EME1: variants seen among roughly 807,000 people sequenced by gnomAD.
The protein encoded by EME1 is essential meiotic structure-specific endonuclease 1.
EME1 carries 61 observed loss-of-function variants against 59.1 expected under a neutral mutation model. That is an observed-to-expected ratio of 1.03 (90% CI 0.84 to 1.28). The LOEUF is 1.28. Among genes scored for constraint, EME1 ranks in the 50% most tolerant of loss-of-function variants. The pLI, the probability that EME1 is intolerant of heterozygous loss-of-function variation, is 0.00. For synonymous variants in EME1, 230 were observed against 254.2 expected, an observed-to-expected ratio of 0.90 and a Z score of 0.90; for missense variants, 635 against 682.6, an observed-to-expected ratio of 0.93 and a Z score of 0.78.
rs764315478 is a variant in EME1, at chr17:50,379,150, C to T, written c.1156C>T (p.Gln386Ter). The change falls in exon 6 of 9, where the codon CAG becomes TAG. Residue 386 changes from glutamine to a stop codon, truncating the protein, a stop_gained. Coordinates refer to ENST00000338165, the MANE Select transcript of EME1 (RefSeq NM_152463.4). LOFTEE classifies it high-confidence loss of function. Reference sequence around the variant, plus strand: ...AAGAGGGAAACAGGGAGCAAATAAACAGACCAAGAAGCAGCAGCAGAGACA... The same window carrying T: ...AAGAGGGAAACAGGGAGCAAATAAATAGACCAAGAAGCAGCAGCAGAGACA... ...PRRGKQGANK[Q>*]TKKQQQRQPE... The T allele has an allele frequency of 1.2e-6, 2 of 1,614,152 alleles. No homozygotes were observed. The highest frequency in any genetic ancestry group is 1.7e-5 in the Admixed American group (1 of 60,016).
chr17:50,379,818 C>T (rs1913697648), intron 7 of EME1: 3 of 456,346 alleles, frequency 6.6e-6, no homozygotes, highest in Non-Finnish European at 1.2e-5. Context: ...GGCCAGGTTA[C>T]CATAGGCCAA....
Position 50,381,345 on chromosome 17 carries a change from G to C in EME1, c.*406G>C, listed in dbSNP as rs1032333034. The C allele has an allele frequency of 4.8e-6, 1 of 206,938 alleles. No individual in the cohort carries two copies. The highest frequency in any genetic ancestry group is 1.1e-4 in the East Asian group (1 of 8,736). 12.8% of individuals were successfully genotyped at this position (206,938 alleles called of 1,614,324 possible). ...TGGCTTGACTGGGCTCAGCCACTGA[G>C]CTGCCTCAACCGGCCAAGGAACGGG... On this transcript the variant is annotated 3_prime_UTR_variant, in exon 9 of 9. Coordinates refer to ENST00000338165, the MANE Select transcript of EME1 (RefSeq NM_152463.4).
Position 50,380,832 on chromosome 17 carries a change from G to GA in EME1, c.1608dup (p.Gly537ArgfsTer32). The GA allele has an allele frequency of 6.2e-7, 1 of 1,614,218 alleles. No individual in the cohort carries two copies. Among genetic ancestry groups the GA allele is most frequent in the African/African-American group, 1.3e-5 (1 of 75,056 alleles). ...CGCAGACATACAGGTGCGCCGTGGG[G>GA]AAGGTGTGACATCCACTTCTCGCCG... is the stretch of plus-strand genomic sequence containing the variant. On this transcript the variant is annotated frameshift_variant, in exon 9 of 9. Coordinates refer to ENST00000338165, the MANE Select transcript of EME1 (RefSeq NM_152463.4). LOFTEE classifies it high-confidence loss of function.
Position 50,375,602 on chromosome 17 carries a change from T to G in EME1, c.394T>G (p.Ser132Ala). Residue 132 changes from serine (S) to alanine (A), a missense_variant, in exon 2 of 9, where the codon TCA becomes GCA. Transcript: ENST00000338165. ...GGATCATCAAAATAATGAAGGTGCA[T>G]CATGTGACTGGAAAAAGCCCTTTCC... ...VLDHQNNEGA[S>A]CDWKKPFPKI... is the part of the protein sequence containing the mutation. The G allele has an allele frequency of 6.3e-7, 1 of 1,586,116 alleles. No homozygotes were observed. The highest frequency in any genetic ancestry group is 2.2e-5 in the East Asian group (1 of 44,806).
In EME1 at chr17:50,375,464, G is replaced by A; in HGVS notation, c.256G>A (p.Glu86Lys). Residue 86 changes from glutamate to lysine, a missense_variant, in exon 2 of 9, where the codon GAA (glutamate) becomes AAA (lysine). By Grantham distance (56) the Glu-to-Lys change is moderately conservative. Coordinates refer to ENST00000338165, the MANE Select transcript of EME1 (RefSeq NM_152463.4). ...ACAGCCAGTCAGGTTGCTAAGCAGT[G>A]AAAGTGAAGATGAAGAAGAATTTAT... ...QTQPVRLLSSESEDEEEFIPL... is the reference protein window; with the variant it reads ...QTQPVRLLSSKSEDEEEFIPL... The A allele has an allele frequency of 6.2e-7, 1 of 1,614,062 alleles. No individual in the cohort carries two copies.
chr17:50,374,194 TA>T (rs1913319641), intron 1 of EME1, among the ~76,000 whole-genome samples: 2 of 152,204 alleles, frequency 1.3e-5, no homozygotes, highest in Admixed American at 6.5e-5. Context: ...TGTACACTTT[TA>T]AAAGGATATT....
In EME1 at chr17:50,379,102, A is replaced by G. The variant is rs777382961; in HGVS notation, c.1113-5A>G. 6.2e-7 allele frequency: 1 copy of G among 1,614,086 alleles called. No individual in the cohort carries two copies. The highest frequency in any genetic ancestry group is 8.5e-7 in the Non-Finnish European group (1 of 1,180,016). On this transcript the variant is annotated splice_region_variant and splice_polypyrimidine_tract_variant and intron_variant, in intron 5 of 8. Transcript: ENST00000338165. The stretch of plus-strand genomic sequence containing the variant: ...GCTGTTCTTTGATTTCCTCCCCTGC[A>G]CCAGTGCTCAGAATCCTCCAAGAAG...
In EME1 at chr17:50,380,857, G is replaced by A. The variant is rs1224474568; in HGVS notation, c.1631G>A (p.Arg544His). The A allele has an allele frequency of 1.9e-6, 3 of 1,614,038 alleles. No homozygotes were observed. Among genetic ancestry groups the A allele is most frequent in the Non-Finnish European group, 2.5e-6 (3 of 1,180,042 alleles). The change falls in exon 9 of 9, where the codon CGC (arginine) becomes CAC (histidine). Residue 544 changes from arginine (R) to histidine (H), a missense_variant. Transcript: ENST00000338165. Reference protein sequence around the residue: ...RGEGVTSTSRRIGPELSRRIY... With the variant: ...RGEGVTSTSRHIGPELSRRIY... The stretch of plus-strand genomic sequence containing the variant: ...GAAGGTGTGACATCCACTTCTCGCC[G>A]CATTGGACCAGAACTATCCAGGCGT...
chr17:50,375,602 T>C lies in EME1; in HGVS notation c.394T>C (p.Ser132Pro), dbSNP rs1240200138. ...GGATCATCAAAATAATGAAGGTGCA[T>C]CATGTGACTGGAAAAAGCCCTTTCC... Reference protein sequence around the residue: ...VLDHQNNEGASCDWKKPFPKI... With the variant: ...VLDHQNNEGAPCDWKKPFPKI... The change falls in exon 2 of 9, where the codon TCA (serine) becomes CCA (proline). Residue 132 changes from serine (S) to proline (P), a missense_variant. Transcript: ENST00000338165. The C allele has an allele frequency of 6.3e-7, 1 of 1,586,116 alleles. No individual in the cohort carries two copies. The highest frequency in any genetic ancestry group is 1.1e-5 in the South Asian group (1 of 90,684).
intron 7 of EME1, chr17:50,380,050 T>C (rs900835189): frequency 3.1e-5 from 13 of 415,978 alleles, no homozygotes; most frequent in South Asian, 5.8e-5. Context: ...CAGAAATAGA[T>C]TGCAGATTGC....
At chr17:50,373,977 T>C (rs1169282858) in intron 1 of EME1, among the ~76,000 whole-genome samples, 1 of 152,166 alleles carries the variant, frequency 6.6e-6, no homozygotes, top group Non-Finnish European at 1.5e-5. Flanking sequence ...GTGAAAAAAG[T>C]CAATCACAAA....
Position 50,378,772 on chromosome 17 carries a change from A to G in EME1, c.991-2A>G. 1 of 1,614,236 alleles carries G rather than the reference A, an allele frequency of 6.2e-7. No individual in the cohort carries two copies. The highest frequency in any genetic ancestry group is 8.5e-7 in the Non-Finnish European group (1 of 1,180,046). ...TAATGCAGTTTCTGCCCCTTCATGC[A>G]GGGAAGCCTGGACAGCACTATGAAA... On this transcript the variant is annotated splice_acceptor_variant, in intron 4 of 8. Transcript: ENST00000338165. LOFTEE classifies it high-confidence loss of function.
intron 8 of EME1, 83 bp downstream of exon 8, chr17:50,380,584 G>A (rs1598365264): frequency 6.4e-7 from 1 of 1,567,902 alleles, no homozygotes; most frequent in Non-Finnish European, 8.7e-7. Flanking sequence ...CAACTGTTGA[G>A]GGCCCACAAA....
rs35248609 is a variant in EME1, at chr17:50,375,223, G to T, written c.15G>T (p.Lys5Asn). 4,133 of 1,614,050 alleles carry T rather than the reference G, an allele frequency of 2.6e-3. 78 individuals are homozygous for T. In the African/African-American group the frequency reaches 0.047, roughly 18 times the overall value. The part of the protein sequence containing the change: MALK[K>N]SSPSLDSGDS... ...AGCACATACTGATGGCTCTAAAGAA[G>T]TCATCACCCTCACTGGATTCTGGTG... The change falls in exon 2 of 9, where the codon AAG (lysine) becomes AAT (asparagine). Residue 5 changes from lysine to asparagine, a missense_variant. Physicochemically the swap from Lys to Asn is moderately conservative, Grantham distance 94. Transcript: ENST00000338165.
Position 50,378,886 on chromosome 17 carries a change from A to T in EME1, c.1103A>T (p.Lys368Ile), listed in dbSNP as rs186599955. The T allele has an allele frequency of 2.4e-5, 38 of 1,614,214 alleles. No homozygotes were observed. Among genetic ancestry groups the T allele is most frequent in the Non-Finnish European group, 2.9e-5 (34 of 1,180,048 alleles). ...ALSLVIVDQE[K>I]CFSAQNPPRR... ...TCACTGGTGATTGTGGATCAGGAGA[A>T]ATGCTTCAGGTTTGGATTTGCCCTG... Residue 368 changes from lysine to isoleucine, a missense_variant, in exon 5 of 9, where the codon AAA becomes ATA. Physicochemically the swap from Lys to Ile is moderately radical, Grantham distance 102. Transcript: ENST00000338165.
At position 50,379,499 on chromosome 17, in the gene EME1, G is replaced by T; in HGVS notation, c.1278G>T (p.Val426=). The T allele has an allele frequency of 1.9e-6, 3 of 1,614,206 alleles. No homozygotes were observed. Among genetic ancestry groups the T allele is most frequent in the East Asian group, 4.5e-5 (2 of 44,884 alleles). The change falls in exon 7 of 9, where the codon GTG becomes GTT. Residue 426 remains valine (V), a synonymous_variant. Coordinates refer to ENST00000338165, the MANE Select transcript of EME1 (RefSeq NM_152463.4). ...QLHTEAQAQI[V]QSWKELADFT... is the part of the protein sequence containing the mutation. ...ACACAGAAGCCCAGGCTCAAATTGTGCAGAGCTGGAAAGAGCTGGCCGACT... is the reference window on the plus strand; with the variant it reads ...ACACAGAAGCCCAGGCTCAAATTGTTCAGAGCTGGAAAGAGCTGGCCGACT...
At position 50,380,827 on chromosome 17, in the gene EME1, G is replaced by C. The variant is rs368108611; in HGVS notation, c.1601G>C (p.Arg534Pro). Residue 534 changes from arginine (R) to proline (P), a missense_variant, in exon 9 of 9, where the codon CGT becomes CCT. Transcript: ENST00000338165. ...QNLLADIQVR[R>P]GEGVTSTSRR... ...TTGCTCGCAGACATACAGGTGCGCC[G>C]TGGGGAAGGTGTGACATCCACTTCT... is the stretch of plus-strand genomic sequence containing the variant. 50 of 1,614,102 alleles carry C rather than the reference G, an allele frequency of 3.1e-5. No homozygotes were observed. The Admixed American group carries it at 7.5e-4, about 24-fold the overall frequency.
At chr17:50,374,531 G>GC (rs1313537763) in intron 1 of EME1, among the ~76,000 whole-genome samples, 1 of 151,982 alleles carries the variant, frequency 6.6e-6, no homozygotes, top group African/African-American at 2.4e-5. Flanking sequence ...GAGCTACCAT[G>GC]CCCAGCCTAT....
chr17:50,379,379 G>A (rs1021284348), intron 6 of EME1, 73 bp from the exon 7 acceptor site: 85 of 1,590,756 alleles, frequency 5.3e-5, no homozygotes, highest in Non-Finnish European at 7.1e-5. Flanking sequence ...CTGGGGTGTG[G>A]CTTTAGTGGA....
Sources: allele counts gnomAD v4.1 joint callset (sites outside exome capture counted in the v4.1 genomes callset), GRCh38; gene constraint gnomAD v4.1.1; transcripts MANE v1.5; gene names NCBI Gene and HGNC (gene_info 2026-07-23, HGNC 2026-07-21).